ANKRD36C: variants seen among roughly 807,000 people sequenced by gnomAD.
ANKRD36C encodes the protein ankyrin repeat domain-containing protein 36C.
ANKRD36C carries 61 observed loss-of-function variants against 276.4 expected under a neutral mutation model. The ratio of observed to expected loss-of-function variants is 0.22; its 90% CI spans 0.18 to 0.27. The LOEUF (loss-of-function observed/expected upper bound fraction) is 0.27. Ranked by LOEUF, ANKRD36C falls within the 10% of genes least tolerant of loss-of-function variation. ANKRD36C has a pLI of 1.00. For synonymous variants in ANKRD36C, 483 were observed against 680.1 expected (o/e 0.71, Z 4.51); for missense variants, 1,447 against 2,032.3 (o/e 0.71, Z 5.54).
chr2:95,850,639 G>A (rs1389847933), downstream of ANKRD36C, among the ~76,000 whole-genome samples: 1 of 152,262 alleles, frequency 6.6e-6, no homozygotes, highest in African/African-American at 2.4e-5. Flanking sequence ...CCACACTGAT[G>A]TGAGAGTTTT....
intron 36 of ANKRD36C, among the ~76,000 whole-genome samples, chr2:95,916,889 C>T (rs554611129): frequency 6.6e-5 from 10 of 151,660 alleles, no homozygotes; most frequent in South Asian, 2.1e-4. Flanking sequence ...TTTTGACATA[C>T]GTATACAAAG....
intron 59 of ANKRD36C, among the ~76,000 whole-genome samples, chr2:95,873,275 A>G (rs1174465455): frequency 6.6e-6 from 1 of 152,236 alleles, no homozygotes; most frequent in African/African-American, 2.4e-5. Flanking sequence ...TCGATAAAAT[A>G]TGGGCAAACC....
exon 63 of ANKRD36C, chr2:95,855,911 C>T: frequency 6.2e-7 from 1 of 1,613,710 alleles, no homozygotes; most frequent in Non-Finnish European, 8.5e-7. Context: ...TTTGCTTCTC[C>T]AGTTTAGAAC....
chr2:95,967,648 GGTGT>G (rs751581051), intron 6 of ANKRD36C, among the ~76,000 whole-genome samples: 1 of 151,160 alleles, frequency 6.6e-6, no homozygotes, highest in Admixed American at 6.6e-5. Context: ...GCATATACTC[GGTGT>G]GTGTGTGTGT....
chr2:95,865,182 A>C (rs932210345), intron 60 of ANKRD36C, among the ~76,000 whole-genome samples: 29 of 151,996 alleles, frequency 1.9e-4, no homozygotes, highest in African/African-American at 6.5e-4. Context: ...TAAAAACTAC[A>C]AAATACTACT....
chr2:95,922,504 G>C (rs1288999305), intron 32 of ANKRD36C, among the ~76,000 whole-genome samples: 2 of 151,482 alleles, frequency 1.3e-5, no homozygotes, highest in African/African-American at 2.4e-5. Context: ...TCAATAAAAA[G>C]CATCATCAAT....
intron 10 of ANKRD36C, among the ~76,000 whole-genome samples, chr2:95,959,262 T>C (rs1678401632): frequency 6.6e-6 from 1 of 151,970 alleles, no homozygotes; most frequent in South Asian, 2.1e-4. Context: ...ACAATGGCAC[T>C]TTAGTTGAAT....
At position 95,944,632 on chromosome 2, in the gene ANKRD36C, C is replaced by G. The variant is rs1433815517; in HGVS notation, c.1486G>C (p.Asp496His). 2.0e-6 allele frequency: 3 copies of G among 1,537,046 alleles called. No homozygotes were observed. The African/African-American group carries it at 4.1e-5, about 21-fold the overall frequency. ...TTAACCACATCTTCATTTACCTTAT[C>G]AACATTTTGGTCTTCAAACAAGGTT... is the stretch of plus-strand genomic sequence containing the variant. Residue 496 changes from aspartate (D) to histidine (H), a missense_variant, in exon 19 of 67, where the codon GAT becomes CAT. Physicochemically the swap from Asp to His is moderately conservative, Grantham distance 81. Coordinates refer to ENST00000456556, the Ensembl canonical transcript of ANKRD36C.
intron 26 of ANKRD36C, 92 bp from the exon 27 acceptor site, chr2:95,927,501 C>T: frequency 1.9e-6 from 3 of 1,574,846 alleles, no homozygotes; most frequent in South Asian, 1.1e-5. Context: ...ACTATATCTT[C>T]CTGCCTGTAC....
rs983480728 is a variant in ANKRD36C, at chr2:95,925,560, A to G, written c.1940-13T>C. The G allele has an allele frequency of 6.5e-7, 1 of 1,540,670 alleles. No homozygotes were observed. ...TTCTGAGGAGACACTGAAAAGTAAA[A>G]GAAATATATAATTCATCATATGTAA... On this transcript the variant is annotated splice_polypyrimidine_tract_variant and intron_variant, in intron 28 of 66. Coordinates refer to ENST00000456556, the Ensembl canonical transcript of ANKRD36C.
chr2:95,987,993 A>G (rs1434332631), intron 1 of ANKRD36C, among the ~76,000 whole-genome samples: 3 of 152,022 alleles, frequency 2.0e-5, no homozygotes, highest in Non-Finnish European at 4.4e-5. Context: ...TATTACATTT[A>G]TAACTGGCAA....
intron 36 of ANKRD36C, among the ~76,000 whole-genome samples, chr2:95,916,688 A>G (rs185785050): frequency 5.4e-4 from 82 of 151,774 alleles, no homozygotes; most frequent in Middle Eastern, 6.8e-3. Context: ...GAAGTGTCCT[A>G]AATTGATCAC....
At chr2:95,957,673 TC>T (rs1251488243) in intron 12 of ANKRD36C, among the ~76,000 whole-genome samples, 1 of 152,210 alleles carries the variant, frequency 6.6e-6, no homozygotes, top group African/African-American at 2.4e-5. Context: ...AATAAGGTTG[TC>T]CATTTGGAAA....
chr2:95,869,422 A>C (rs571349652), intron 59 of ANKRD36C, among the ~76,000 whole-genome samples: 326 of 152,336 alleles, frequency 2.1e-3, no homozygotes, highest in Non-Finnish European at 3.0e-3. Flanking sequence ...AACAGTGTAC[A>C]CTTGAGTGCT....
intron 26 of ANKRD36C, among the ~76,000 whole-genome samples, chr2:95,927,744 G>T (rs1677448219): frequency 6.6e-6 from 1 of 151,644 alleles, no homozygotes. Flanking sequence ...CAATGTCAAA[G>T]CAGGTGGTAC....
chr2:95,902,930 A>G (rs1676699899), intron 42 of ANKRD36C: 3 of 1,589,984 alleles, frequency 1.9e-6, no homozygotes, highest in Non-Finnish European at 2.6e-6. Flanking sequence ...GGCTATATTC[A>G]AAAGAGAATC....
chr2:95,921,639 G>C, exon 34 of ANKRD36C: 1 of 1,609,188 alleles, frequency 6.2e-7, no homozygotes, highest in Admixed American at 1.7e-5. Flanking sequence ...CTTTATTTCT[G>C]TGGCTATATT....
At chr2:95,987,181 T>A in exon 2 of ANKRD36C, 2 of 1,548,470 alleles carry the variant, frequency 1.3e-6, no homozygotes, top group East Asian at 4.9e-5. Context: ...GGTTGGCCAG[T>A]GGCACAGGCC....
intron 58 of ANKRD36C, among the ~76,000 whole-genome samples, chr2:95,878,052 C>CATG (rs1675994069): frequency 6.8e-6 from 1 of 147,594 alleles, no homozygotes. Flanking sequence ...GGCATGGTGT[C>CATG]ATGTGCCTGT....
Sources: allele counts gnomAD v4.1 joint callset (sites outside exome capture counted in the v4.1 genomes callset), GRCh38; gene constraint gnomAD v4.1.1; transcripts MANE v1.5; gene names NCBI Gene and HGNC (gene_info 2026-07-23, HGNC 2026-07-21).